MDGA1: variants seen among roughly 807,000 people sequenced by gnomAD.
The protein encoded by MDGA1 is MAM domain-containing glycosylphosphatidylinositol anchor protein 1.
MDGA1 carries 54 observed loss-of-function variants against 101.5 expected under a neutral mutation model. That is an observed-to-expected ratio of 0.53 (90% CI 0.43 to 0.67). The LOEUF (loss-of-function observed/expected upper bound fraction) is 0.67, where lower values mean the gene tolerates loss of function less well. Ranked by LOEUF, MDGA1 falls within the 30% of genes least tolerant of loss-of-function variation. The pLI is 0.00. For synonymous variants in MDGA1, 533 were observed against 558.3 expected, an observed-to-expected ratio of 0.95 and a Z score of 0.64; for missense variants, 1,083 against 1,323.8, an observed-to-expected ratio of 0.82 and a Z score of 2.82.
At chr6:37,668,491 A>G (rs923352666) in intron 1 of MDGA1, among the ~76,000 whole-genome samples, 2 of 152,216 alleles carry the variant, frequency 1.3e-5, no homozygotes, top group Non-Finnish European at 2.9e-5. Context: ...ATTGCTAAAA[A>G]CAAGAACAAC....
Position 37,644,607 on chromosome 6 carries a change from G to A in MDGA1, c.2291C>T (p.Thr764Ile). ...GTCAAAGTTGTCTGTCAGGTCCTGG[G>A]TATAGCCACAGATCTTCTCATCCTC... ...HFEDEKICGY[T>I]QDLTDNFDWT... Residue 764 changes from threonine to isoleucine, a missense_variant, in exon 13 of 17, where the codon ACC becomes ATC. Around this residue, in one of 3 missense-constraint regions of MDGA1, gnomAD observed 657 missense variants for 771.4 expected, o/e 0.85. Coordinates refer to ENST00000434837, the MANE Select transcript of MDGA1 (RefSeq NM_153487.4). 6.2e-7 allele frequency: 1 copy of A among 1,605,418 alleles called. No individual in the cohort carries two copies. Among genetic ancestry groups the A allele is most frequent in the Non-Finnish European group, 8.5e-7 (1 of 1,176,082 alleles).
In MDGA1 at chr6:37,652,036, G is replaced by T; in HGVS notation, c.1287C>A (p.Val429=). Residue 429 remains valine (V), a synonymous_variant, in exon 7 of 17, where the codon GTC becomes GTA. Coordinates refer to ENST00000434837, the MANE Select transcript of MDGA1 (RefSeq NM_153487.4). The surrounding 1 kb of genome is among the most constrained non-coding windows in gnomAD (Gnocchi z 4.3). ...CTGTCTCAGAGGAGATGTTGACCTC[G>T]ACGCTGAGGTCGGGCACGGGTGCCC... ...FPGAPVPDLS[V]EVNISSETVP... The T allele has an allele frequency of 6.2e-7, 1 of 1,603,782 alleles. No individual in the cohort carries two copies. The highest frequency in any genetic ancestry group is 1.1e-5 in the South Asian group (1 of 90,780).
At chr6:37,664,254 A>T in intron 1 of MDGA1, 148 bp from the exon 2 acceptor site, 3 of 987,010 alleles carry the variant, frequency 3.0e-6, no homozygotes, top group Middle Eastern at 3.2e-4. Context: ...GAGCCCAGGA[A>T]AGAATCCTCC....
In MDGA1 at chr6:37,696,624, G is replaced by A. The variant is rs1282488204; in HGVS notation, c.67+121C>T. 2.2e-6 allele frequency: 2 copies of A among 927,608 alleles called. No individual in the cohort carries two copies. The highest frequency in any genetic ancestry group is 1.6e-5 in the African/African-American group (1 of 61,174). The allele number at this position is 927,608 out of a possible 1,614,324, so 57.5% of individuals were successfully genotyped here. On this transcript the variant is annotated intron_variant, in intron 1 of 16. Coordinates refer to ENST00000434837, the MANE Select transcript of MDGA1 (RefSeq NM_153487.4). This position sits in a 1 kb window ranked among gnomAD's most constrained non-coding sequence, Gnocchi z 5.6. ...CGCGCCCTGGAGAGGGCGGGGACGC[G>A]GGCATCCACTCCAGAGTCCGAGTCG...
intron 11 of MDGA1, 92 bp from the exon 12 acceptor site, chr6:37,646,048 A>G (rs1411473081): frequency 6.3e-7 from 1 of 1,594,716 alleles, no homozygotes; most frequent in South Asian, 1.1e-5. Context: ...GGGTCCTCAG[A>G]GCCAGGACTG....
intron 1 of MDGA1, among the ~76,000 whole-genome samples, chr6:37,693,083 A>C (rs1762347395): frequency 6.6e-6 from 1 of 152,220 alleles, no homozygotes; most frequent in African/African-American, 2.4e-5. Flanking sequence ...TGTGGACACA[A>C]AGTGCTCCCC....
chr6:37,659,217 A>C (rs1437812398), intron 2 of MDGA1, among the ~76,000 whole-genome samples: 2 of 152,212 alleles, frequency 1.3e-5, no homozygotes, highest in African/African-American at 4.8e-5. Flanking sequence ...CAGCCAGCTA[A>C]GCTGCTCCCG....
intron 1 of MDGA1, among the ~76,000 whole-genome samples, chr6:37,667,794 T>C (rs1230347335): frequency 6.6e-6 from 1 of 152,144 alleles, no homozygotes; most frequent in Non-Finnish European, 1.5e-5. Flanking sequence ...AGATAAGGAA[T>C]ACTGAAAAAG....
intron 1 of MDGA1, among the ~76,000 whole-genome samples, chr6:37,683,707 T>C (rs1581628402): frequency 6.6e-6 from 1 of 152,390 alleles, no homozygotes; most frequent in Non-Finnish European, 1.5e-5. Flanking sequence ...TCACAAAGCA[T>C]GCCAGAGTTC....
At chr6:37,656,921 TG>T (rs1356993309) in intron 3 of MDGA1, among the ~76,000 whole-genome samples, 1 of 152,124 alleles carries the variant, frequency 6.6e-6, no homozygotes, top group East Asian at 1.9e-4. Context: ...GAGCATTACG[TG>T]GAGATTTTCT....
At chr6:37,658,441 A>AGTCAGACT (rs1223230790) in intron 2 of MDGA1, 22 bp from the exon 3 acceptor site, 1 of 1,590,492 alleles carries the variant, frequency 6.3e-7, no homozygotes, top group Non-Finnish European at 8.6e-7. Context: ...GGCGGGGCAG[A>AGTCAGACT]GTCAGACTGT....
In MDGA1 at chr6:37,649,055, G is replaced by A. The variant is rs1187645135; in HGVS notation, c.1821C>T (p.Arg607=). ...TGCACTCGTAGCTGCCGCTGCTGTC[G>A]CGAGTTACGGCGTCGAGGCGCAGCT... ...HAELRLDAVT[R]DSSGSYECSV... Residue 607 remains arginine (R), a synonymous_variant, in exon 9 of 17, where the codon CGC becomes CGT. Transcript: ENST00000434837. The A allele has an allele frequency of 3.9e-6, 6 of 1,543,072 alleles. No homozygotes were observed. The highest frequency in any genetic ancestry group is 5.2e-6 in the Non-Finnish European group (6 of 1,144,700).
chr6:37,687,958 G>A (rs1395661924), intron 1 of MDGA1, among the ~76,000 whole-genome samples: 1 of 140,960 alleles, frequency 7.1e-6, no homozygotes, highest in Non-Finnish European at 1.5e-5. Flanking sequence ...AGCCAGAAAA[G>A]GGGCCAGTCT....
chr6:37,669,462 C>T (rs557371869), intron 1 of MDGA1, among the ~76,000 whole-genome samples: 17 of 152,280 alleles, frequency 1.1e-4, no homozygotes, highest in African/African-American at 4.1e-4. Context: ...GTACAGTTTT[C>T]CTTCTGAAAT....
At position 37,634,200 on chromosome 6, in the gene MDGA1, C is replaced by T. The variant is rs1763879120; in HGVS notation, c.*3168G>A. On this transcript the variant is annotated 3_prime_UTR_variant, in exon 17 of 17. Coordinates refer to ENST00000434837, the MANE Select transcript of MDGA1 (RefSeq NM_153487.4). This position sits in a 1 kb window ranked among gnomAD's most constrained non-coding sequence, Gnocchi z 4.7. ...TGGCCCCCGGAGTCCTTTTCACCAA[C>T]CTGAAGGGGACAAGGGATGGAAGGG... The T allele has an allele frequency of 6.5e-6, 1 of 152,700 alleles. No individual in the cohort carries two copies. The highest frequency in any genetic ancestry group is 1.5e-5 in the Non-Finnish European group (1 of 68,152). The allele number at this position is 152,700 out of a possible 1,614,324, so 9.5% of individuals were successfully genotyped here.
chr6:37,693,183 A>T (rs1234799922), intron 1 of MDGA1, among the ~76,000 whole-genome samples: 1 of 152,224 alleles, frequency 6.6e-6, no homozygotes, highest in Non-Finnish European at 1.5e-5. Flanking sequence ...AGCCTCTGTT[A>T]GCCCCAGGAA....
Position 37,649,006 on chromosome 6 carries a change from C to T in MDGA1, c.1870G>A (p.Ala624Thr), listed in dbSNP as rs544639607. Residue 624 changes from alanine to threonine, a missense_variant, in exon 9 of 17, where the codon GCT becomes ACT. This residue lies in a region of MDGA1 where 657 missense variants were observed against 771.4 expected (regional missense o/e 0.85). Coordinates refer to ENST00000434837, the MANE Select transcript of MDGA1 (RefSeq NM_153487.4). ...ECSVSNDVGS[A>T]ACLFQVSAKA... ...CCGGAGACCTGGAAGAGGCAGGCAG[C>T]CGAGCCCACATCGTTGGAGACGCTG... is the stretch of plus-strand genomic sequence containing the variant. 5 of 1,552,314 alleles carry T rather than the reference C, an allele frequency of 3.2e-6. No individual in the cohort carries two copies. Among genetic ancestry groups the T allele is most frequent in the Non-Finnish European group, 3.5e-6 (4 of 1,149,630 alleles).
At chr6:37,676,938 G>A (rs1271791489) in intron 1 of MDGA1, among the ~76,000 whole-genome samples, 1 of 148,962 alleles carries the variant, frequency 6.7e-6, no homozygotes, top group Non-Finnish European at 1.5e-5. Context: ...AACCAAACCT[G>A]CAAGAACTAG....
rs1245867922 is a variant in MDGA1, at chr6:37,632,165, C to A, written c.*5203G>T. On this transcript the variant is annotated 3_prime_UTR_variant, in exon 17 of 17. Coordinates refer to ENST00000434837, the MANE Select transcript of MDGA1 (RefSeq NM_153487.4). ...CCCGAAGCCCCAACCCAAATAAGAA[C>A]CCTCTTCATACCTTCTTTCATAGCA... 1.3e-5 allele frequency: 2 copies of A among 152,228 alleles called. No homozygotes were observed. Among genetic ancestry groups the A allele is most frequent in the Non-Finnish European group, 2.9e-5 (2 of 68,066 alleles). The allele number at this position is 152,228 out of a possible 1,614,324, so 9.4% of individuals were successfully genotyped here.
Sources: allele counts gnomAD v4.1 joint callset (sites outside exome capture counted in the v4.1 genomes callset), GRCh38; gene constraint gnomAD v4.1.1; regional missense constraint gnomAD v4.1.1; non-coding constraint Gnocchi (gnomAD v3.1); transcripts MANE v1.5; gene names NCBI Gene and HGNC (gene_info 2026-07-23, HGNC 2026-07-21).